KCNIP4: variants seen among roughly 807,000 people sequenced by gnomAD.
The protein encoded by KCNIP4 is potassium voltage-gated channel interacting protein 4.
In KCNIP4, 12 loss-of-function variants were observed where a neutral mutation model predicts 34.0. That is an observed-to-expected ratio of 0.35 (90% CI 0.23 to 0.57). KCNIP4 has a LOEUF of 0.57. KCNIP4 is among the 20% of genes least tolerant of loss of function. The pLI is 0.83. For synonymous variants in KCNIP4, 124 were observed against 102.2 expected (o/e 1.21, Z -1.29); for missense variants, 238 against 311.7 (o/e 0.76, Z 1.78).
At chr4:21,675,346 T>C (rs1036149698) in intron 1 of KCNIP4, among the ~76,000 whole-genome samples, 1 of 151,930 alleles carries the variant, frequency 6.6e-6, no homozygotes, top group African/African-American at 2.4e-5. Context: ...GTGCAAAAAA[T>C]AATTAGAAAG....
rs1224684531 is a variant in KCNIP4, at chr4:20,729,436, GTT to G, written c.*644_*645del. ...GAAAATTAAATGCTTATTAAAATAA[GTT>G]TTATTAGGCATATGCTGATATCTGA... is the stretch of plus-strand genomic sequence containing the variant. On this transcript the variant is annotated 3_prime_UTR_variant, in exon 9 of 9. Coordinates refer to ENST00000382152, the MANE Select transcript of KCNIP4 (RefSeq NM_025221.6). The G allele has an allele frequency of 1.3e-5, 2 of 149,766 alleles. No individual in the cohort carries two copies. The highest frequency in any genetic ancestry group is 3.0e-5 in the Non-Finnish European group (2 of 67,322). The allele number at this position is 149,766 out of a possible 1,614,324, so 9.3% of individuals were successfully genotyped here.
intron 1 of KCNIP4, among the ~76,000 whole-genome samples, chr4:21,775,469 A>G (rs932194550): frequency 6.6e-6 from 1 of 152,146 alleles, no homozygotes; most frequent in Non-Finnish European, 1.5e-5. Flanking sequence ...GACCCACTTA[A>G]AAAAGCACTT....
chr4:21,805,670 GT>G lies in KCNIP4; in HGVS notation c.61+142900del, dbSNP rs1721248246. On this transcript the variant is annotated intron_variant, in intron 1 of 8. Coordinates refer to ENST00000382152, the MANE Select transcript of KCNIP4 (RefSeq NM_025221.6). ...CTCACTCTTTAAAACACCTTCATCT[GT>G]AATATCTCTATACTCTCTGCCTCCA... Among the ~76,000 whole-genome samples, 3 of 152,086 alleles carry G rather than the reference GT, an allele frequency of 2.0e-5. No homozygotes were observed. In the South Asian group the frequency reaches 6.2e-4, roughly 32 times the overall value.
At chr4:21,922,699 C>T (rs946900094) in intron 1 of KCNIP4, among the ~76,000 whole-genome samples, 4 of 152,066 alleles carry the variant, frequency 2.6e-5, no homozygotes, top group Admixed American at 2.0e-4. Context: ...AAGATACCTA[C>T]TAATGTGGCC....
intron 1 of KCNIP4, among the ~76,000 whole-genome samples, chr4:21,346,743 T>TAAA (rs1717468314): frequency 6.6e-6 from 1 of 152,134 alleles, no homozygotes; most frequent in Non-Finnish European, 1.5e-5. Flanking sequence ...TATGCCTTTC[T>TAAA]AAAAAGCTCC....
At chr4:21,634,237 A>C (rs942249742) in intron 1 of KCNIP4, among the ~76,000 whole-genome samples, 2 of 151,314 alleles carry the variant, frequency 1.3e-5, no homozygotes. Context: ...AAAAAAAAAA[A>C]AAAAAAAAAA....
intron 1 of KCNIP4, among the ~76,000 whole-genome samples, chr4:21,663,226 G>A (rs1026344650): frequency 6.6e-6 from 1 of 152,182 alleles, no homozygotes; most frequent in Non-Finnish European, 1.5e-5. Context: ...TTAAATGGAT[G>A]ACATTACTTA....
chr4:21,432,870 A>AT (rs1052281450), intron 1 of KCNIP4, among the ~76,000 whole-genome samples: 19 of 149,958 alleles, frequency 1.3e-4, no homozygotes, highest in East Asian at 3.9e-4. Flanking sequence ...AATCAGGCTG[A>AT]TTTTTTTTTT....
At chr4:21,557,886 A>G (rs530224726) in intron 1 of KCNIP4, among the ~76,000 whole-genome samples, 30 of 152,310 alleles carry the variant, frequency 2.0e-4, no homozygotes, top group African/African-American at 7.2e-4. Context: ...CTTCTACCAC[A>G]GGTAGTCAGG....
chr4:21,401,110 G>T (rs539586121), intron 1 of KCNIP4, among the ~76,000 whole-genome samples: 1 of 152,232 alleles, frequency 6.6e-6, no homozygotes, highest in Non-Finnish European at 1.5e-5. Context: ...ACAGTGAGCT[G>T]ACATGGTGCC....
At chr4:21,227,756 G>T (rs1417299619) in intron 1 of KCNIP4, among the ~76,000 whole-genome samples, 1 of 152,116 alleles carries the variant, frequency 6.6e-6, no homozygotes, top group Non-Finnish European at 1.5e-5. Flanking sequence ...ATTGCATGTA[G>T]TATGCTCTAC....
chr4:21,812,410 C>A (rs904574483), intron 1 of KCNIP4, among the ~76,000 whole-genome samples: 1 of 151,984 alleles, frequency 6.6e-6, no homozygotes, highest in Non-Finnish European at 1.5e-5. Flanking sequence ...CAAATAAATG[C>A]AAGATTTCTG....
chr4:20,967,317 A>G (rs961691909), intron 1 of KCNIP4, among the ~76,000 whole-genome samples: 2 of 152,292 alleles, frequency 1.3e-5, no homozygotes, highest in African/African-American at 4.8e-5. Flanking sequence ...ATGCTCATGG[A>G]TAGGAAGAAT....
chr4:21,346,616 G>T (rs1403203358), intron 1 of KCNIP4, among the ~76,000 whole-genome samples: 1 of 151,794 alleles, frequency 6.6e-6, no homozygotes, highest in Non-Finnish European at 1.5e-5. Context: ...TAAATTTTAA[G>T]GATCTTTATG....
intron 1 of KCNIP4, among the ~76,000 whole-genome samples, chr4:21,015,443 A>G (rs1560647347): frequency 2.1e-5 from 3 of 141,572 alleles, no homozygotes; most frequent in Admixed American, 7.5e-5. Flanking sequence ...TATATAATAT[A>G]TATATTATAT....
chr4:21,536,256 A>C (rs943377072), intron 1 of KCNIP4, among the ~76,000 whole-genome samples: 1 of 152,200 alleles, frequency 6.6e-6, no homozygotes, highest in African/African-American at 2.4e-5. Context: ...GAGATTTTGC[A>C]AGCCAGGCAA....
intron 1 of KCNIP4, among the ~76,000 whole-genome samples, chr4:21,684,707 T>G (rs1234853192): frequency 6.6e-6 from 1 of 152,188 alleles, no homozygotes; most frequent in Non-Finnish European, 1.5e-5. Flanking sequence ...CTAGGGTACA[T>G]GTGCACAACG....
At chr4:21,606,838 T>TGC (rs1231588231) in intron 1 of KCNIP4, among the ~76,000 whole-genome samples, 2 of 152,100 alleles carry the variant, frequency 1.3e-5, no homozygotes, top group Non-Finnish European at 2.9e-5. Flanking sequence ...GTTTTTACTC[T>TGC]GCCTGCATTC....
intron 1 of KCNIP4, among the ~76,000 whole-genome samples, chr4:21,785,885 A>G (rs1014704930): frequency 6.6e-6 from 1 of 152,040 alleles, no homozygotes; most frequent in Non-Finnish European, 1.5e-5. Flanking sequence ...CCACTTTTTG[A>G]CTATTACAAA....
Sources: gnomAD v4.1 joint callset for allele counts (sites outside exome capture counted in the v4.1 genomes callset) on GRCh38, gnomAD v4.1.1 for gene constraint, MANE v1.5 for transcripts, NCBI Gene and HGNC (gene_info 2026-07-23, HGNC 2026-07-21) for gene names.